Variants in DNPEP observed in about 807,000 individuals in gnomAD.
The protein encoded by DNPEP is aspartyl aminopeptidase.
In DNPEP, 46 loss-of-function variants were observed where a neutral mutation model predicts 59.1. That is an observed-to-expected ratio of 0.78 (90% CI 0.61 to 0.99). The LOEUF (loss-of-function observed/expected upper bound fraction) is 0.99. Ranked by LOEUF, DNPEP falls within the 50% of genes least tolerant of loss-of-function variation. The pLI is 0.00. For synonymous variants in DNPEP, 229 were observed against 242.2 expected, an observed-to-expected ratio of 0.95 and a Z score of 0.50; for missense variants, 617 against 649.9, an observed-to-expected ratio of 0.95 and a Z score of 0.55.
At chr2:219,395,896 C>T (rs1182714116) in intron 1 of DNPEP, among the ~76,000 whole-genome samples, 1 of 152,202 alleles carries the variant, frequency 6.6e-6, no homozygotes, top group Non-Finnish European at 1.5e-5. Context: ...CTGCTGCAAT[C>T]CTCAGTGCCT....
At position 219,381,389 on chromosome 2, in the gene DNPEP, C is replaced by G; in HGVS notation, c.1185G>C (p.Ala395=). 1 of 1,614,232 alleles carries G rather than the reference C, an allele frequency of 6.2e-7. No homozygotes were observed. Among genetic ancestry groups the G allele is most frequent in the Admixed American group, 1.7e-5 (1 of 60,028 alleles). The change falls in exon 13 of 15, where the codon GCG becomes GCC. Residue 395 remains alanine (A), a synonymous_variant. Coordinates refer to ENST00000273075, the MANE Select transcript of DNPEP (RefSeq NM_012100.4). ...CCTCTCGGATCAGGGCCTCTGACAC[C>G]GCGTTTGAAGCATAGCGTTGCTTGC... is the stretch of plus-strand genomic sequence containing the variant. The part of the protein sequence containing the change: ...VNSKQRYASN[A]VSEALIREVA...
upstream of DNPEP, chr2:219,388,083 A>G (rs577245620): frequency 9.2e-6 from 2 of 217,012 alleles, no homozygotes; most frequent in African/African-American, 1.4e-4. Flanking sequence ...CCCCGCCCCT[A>G]GCTTGGCCGC....
At chr2:219,375,332 G>C (rs191018700) in intron 13 of DNPEP, among the ~76,000 whole-genome samples, 2 of 152,108 alleles carry the variant, frequency 1.3e-5, no homozygotes, top group African/African-American at 2.4e-5. Flanking sequence ...TCACTCAGTG[G>C]TATCAGTGTC....
chr2:219,392,889 A>G (rs1413673217), upstream of DNPEP, among the ~76,000 whole-genome samples: 1 of 152,210 alleles, frequency 6.6e-6, no homozygotes, highest in Non-Finnish European at 1.5e-5. Context: ...GATGAGCCAT[A>G]CATTCCACTG....
In DNPEP at chr2:219,382,157, CT is replaced by C. The variant is rs774671962; in HGVS notation, c.937-19del. The C allele has an allele frequency of 6.2e-7, 1 of 1,603,262 alleles. No individual in the cohort carries two copies. Among genetic ancestry groups the C allele is most frequent in the South Asian group, 1.1e-5 (1 of 90,932 alleles). ...GACCCCACCTGGCGACAGTAGAGTC[CT>C]GACTCTGGGAATCTGGGCTTAGGGG... On this transcript the variant is annotated intron_variant, in intron 10 of 14. Transcript: ENST00000273075.
intron 13 of DNPEP, among the ~76,000 whole-genome samples, chr2:219,376,221 C>T (rs969371869): frequency 3.3e-5 from 5 of 152,152 alleles, no homozygotes; most frequent in African/African-American, 7.2e-5. Flanking sequence ...GGTGTGCTGG[C>T]TCACGCCTGT....
At chr2:219,383,723 G>A (rs12617155) in intron 9 of DNPEP, among the ~76,000 whole-genome samples, 51,713 of 151,958 alleles carry the variant, frequency 0.34, 8,933 homozygotes, top group Middle Eastern at 0.42. Context: ...CTCCATCAAG[G>A]TGACATGACT....
At chr2:219,383,616 G>A (rs569364701) in intron 9 of DNPEP, among the ~76,000 whole-genome samples, 1 of 152,226 alleles carries the variant, frequency 6.6e-6, no homozygotes, top group African/African-American at 2.4e-5. Flanking sequence ...GGAGGACAGA[G>A]AGGAAGAGCT....
chr2:219,378,813 A>G (rs1953473874), intron 13 of DNPEP, among the ~76,000 whole-genome samples: 1 of 152,234 alleles, frequency 6.6e-6, no homozygotes, highest in South Asian at 2.1e-4. Context: ...ATCTACTGCC[A>G]GTCGTATAAA....
At chr2:219,397,078 G>T (rs1011140802) in intron 1 of DNPEP, among the ~76,000 whole-genome samples, 10 of 152,184 alleles carry the variant, frequency 6.6e-5, no homozygotes, top group Non-Finnish European at 1.3e-4. Flanking sequence ...CTCTTGTATA[G>T]TTAGTGACAG....
chr2:219,378,501 A>G (rs1953460511), intron 13 of DNPEP, among the ~76,000 whole-genome samples: 1 of 152,174 alleles, frequency 6.6e-6, no homozygotes, highest in African/African-American at 2.4e-5. Context: ...AAGAGTGAAC[A>G]CTGTGCAGCA....
Position 219,384,433 on chromosome 2 carries a change from C to A in DNPEP, c.785G>T (p.Gly262Val). Residue 262 changes from glycine to valine, a missense_variant, in exon 9 of 15, where the codon GGT becomes GTT. Coordinates refer to ENST00000273075, the MANE Select transcript of DNPEP (RefSeq NM_012100.4). ...AGCAAAGATGAACTCATCATAGGCA[C>A]CACCCAAGACCTAGAGAGGTAAGAC... ...LADTQPAVLG[G>V]AYDEFIFAPR... 1 of 1,610,832 alleles carries A rather than the reference C, an allele frequency of 6.2e-7. No homozygotes were observed. The highest frequency in any genetic ancestry group is 1.3e-5 in the African/African-American group (1 of 74,884).
intron 9 of DNPEP, 34 bp downstream of exon 9, chr2:219,384,332 G>T (rs1351710375): frequency 1.3e-6 from 2 of 1,584,922 alleles, no homozygotes; most frequent in Non-Finnish European, 1.7e-6. Flanking sequence ...TCTGCTGGTG[G>T]TTATGTGCTG....
upstream of DNPEP, among the ~76,000 whole-genome samples, chr2:219,393,120 A>G (rs1954044527): frequency 6.6e-6 from 1 of 152,210 alleles, no homozygotes; most frequent in African/African-American, 2.4e-5. Context: ...GTCTTGGGCC[A>G]CAAATAAAAT....
rs1953238152 is a variant in DNPEP at position 219,372,978 on chromosome 2, T to C, written c.*1314A>G. ...ATTTATATGGAAATAAACTTTTATA[T>C]AGGTATCAAAAAGATTGGAAGGACA... is the stretch of plus-strand genomic sequence containing the variant. On this transcript the variant is annotated 3_prime_UTR_variant, in exon 15 of 15. Coordinates refer to ENST00000273075, the MANE Select transcript of DNPEP (RefSeq NM_012100.4). 6.6e-6 allele frequency among the ~76,000 whole-genome samples: 1 copy of C among 152,166 alleles called. No homozygotes were observed. The highest frequency in any genetic ancestry group is 1.5e-5 in the Non-Finnish European group (1 of 68,028).
At chr2:219,375,164 G>T in intron 13 of DNPEP, 142 bp from the exon 14 acceptor site, 2 of 836,648 alleles carry the variant, frequency 2.4e-6, no homozygotes, top group Non-Finnish European at 3.7e-6. Flanking sequence ...ATGCTAAATG[G>T]CAGACCCCAA....
chr2:219,398,377 C>T (rs908747223), intron 1 of DNPEP, among the ~76,000 whole-genome samples: 2 of 152,210 alleles, frequency 1.3e-5, no homozygotes, highest in African/African-American at 2.4e-5. Context: ...GGGCCGGGCG[C>T]GTTGGCTCAC....
In DNPEP at chr2:219,382,122, T is replaced by G. The variant is rs1459824944; in HGVS notation, c.954A>C (p.Ala318=). Reference sequence around the variant, plus strand: ...CTGTCAGCAGTGACTGTGCTCCCTGTGCACTCTCAGACCCCACCTGGCGAC... The same window carrying G: ...CTGTCAGCAGTGACTGTGCTCCCTGGGCACTCTCAGACCCCACCTGGCGAC... ...YDNEEVGSES[A]QGAQSLLTEL... is the part of the protein sequence containing the mutation. Residue 318 remains alanine, a synonymous_variant, in exon 11 of 15, where the codon GCA becomes GCC. Coordinates refer to ENST00000273075, the MANE Select transcript of DNPEP (RefSeq NM_012100.4). The G allele has an allele frequency of 1.9e-6, 3 of 1,611,688 alleles. No individual in the cohort carries two copies. Among genetic ancestry groups the G allele is most frequent in the Non-Finnish European group, 2.5e-6 (3 of 1,180,016 alleles).
At chr2:219,390,344 G>A (rs1953995977), upstream of DNPEP, among the ~76,000 whole-genome samples, 2 of 152,128 alleles carry the variant, frequency 1.3e-5, no homozygotes, top group African/African-American at 4.8e-5. Context: ...ATTAGAACTG[G>A]TAGGAAGGGT....
Sources: allele counts gnomAD v4.1 joint callset (sites outside exome capture counted in the v4.1 genomes callset), GRCh38; gene constraint gnomAD v4.1.1; transcripts MANE v1.5; gene names NCBI Gene and HGNC (gene_info 2026-07-23, HGNC 2026-07-21).